HOMER1: variants seen among roughly 807,000 people sequenced by gnomAD.
The protein encoded by HOMER1 is homer scaffold protein 1, also known as homer protein homolog 1.
In HOMER1, 3 loss-of-function variants were observed where a neutral mutation model predicts 48.9. The observed-to-expected ratio is 0.06, with a 90% CI of 0.03 to 0.16. The LOEUF (loss-of-function observed/expected upper bound fraction) is 0.16. HOMER1 is among the 10% of genes least tolerant of loss of function. HOMER1 has a pLI of 1.00. For synonymous variants in HOMER1, 134 were observed against 146.4 expected, an observed-to-expected ratio of 0.92 and a Z score of 0.61; for missense variants, 247 against 411.4, an observed-to-expected ratio of 0.60 and a Z score of 3.46.
intron 1 of HOMER1, among the ~76,000 whole-genome samples, chr5:79,479,939 T>A (rs538809016): frequency 2.4e-4 from 37 of 152,356 alleles, no homozygotes; most frequent in African/African-American, 8.9e-4. Context: ...GCCAACTGGG[T>A]ATCTTCGACT....
intron 1 of HOMER1, among the ~76,000 whole-genome samples, chr5:79,468,876 T>C (rs182520008): frequency 2.3e-3 from 353 of 152,312 alleles, no homozygotes; most frequent in African/African-American, 8.2e-3. Flanking sequence ...GGTATTTCAC[T>C]GTAGTTTCAA....
At chr5:79,504,673 GAAC>G (rs1233141384) in intron 1 of HOMER1, among the ~76,000 whole-genome samples, 2 of 151,974 alleles carry the variant, frequency 1.3e-5, no homozygotes, top group African/African-American at 2.4e-5. Flanking sequence ...GTCTTGTTCA[GAAC>G]AACTCTTATA....
intron 4 of HOMER1, among the ~76,000 whole-genome samples, chr5:79,444,421 T>C (rs940792315): frequency 6.6e-6 from 1 of 152,202 alleles, no homozygotes; most frequent in African/African-American, 2.4e-5. Context: ...AAATTGACAA[T>C]TAGGCTTCAA....
chr5:79,481,561 C>A (rs895060766), intron 1 of HOMER1, among the ~76,000 whole-genome samples: 4 of 152,166 alleles, frequency 2.6e-5, no homozygotes, highest in African/African-American at 9.6e-5. Flanking sequence ...AGGTGAGCTG[C>A]ACAGAAAAAG....
At chr5:79,447,939 ATC>A (rs1750928299) in intron 3 of HOMER1, among the ~76,000 whole-genome samples, 1 of 152,180 alleles carries the variant, frequency 6.6e-6, no homozygotes, top group African/African-American at 2.4e-5. Flanking sequence ...AACTTAAAAT[ATC>A]TGTTAGAGCT....
At chr5:79,487,594 T>A (rs979243718) in intron 1 of HOMER1, among the ~76,000 whole-genome samples, 7 of 151,992 alleles carry the variant, frequency 4.6e-5, no homozygotes, top group Non-Finnish European at 1.0e-4. Flanking sequence ...CAGGACAAAT[T>A]GGGTAAATAA....
chr5:79,499,467 A>AT (rs1191354909), intron 1 of HOMER1, among the ~76,000 whole-genome samples: 2 of 152,034 alleles, frequency 1.3e-5, no homozygotes, highest in African/African-American at 4.8e-5. Flanking sequence ...TTTATAATTG[A>AT]TTTTTTTCAA....
chr5:79,453,007 C>T (rs1359453470), intron 2 of HOMER1, among the ~76,000 whole-genome samples: 6 of 152,084 alleles, frequency 3.9e-5, no homozygotes, highest in Non-Finnish European at 8.8e-5. Flanking sequence ...TAATTGAGTA[C>T]CTTTTAAATG....
chr5:79,419,053 A>G (rs1315835681), intron 5 of HOMER1, among the ~76,000 whole-genome samples: 3 of 152,234 alleles, frequency 2.0e-5, no homozygotes, highest in African/African-American at 4.8e-5. Context: ...TTTGCAAAAC[A>G]TATTTCAAAA....
intron 1 of HOMER1, among the ~76,000 whole-genome samples, chr5:79,477,660 G>A (rs890611476): frequency 5.9e-5 from 9 of 152,222 alleles, no homozygotes; most frequent in African/African-American, 2.2e-4. Context: ...TTGGACAAGA[G>A]TCTAGGGAAA....
At chr5:79,394,614 G>C (rs924478714) in intron 8 of HOMER1, among the ~76,000 whole-genome samples, 1 of 152,130 alleles carries the variant, frequency 6.6e-6, no homozygotes, top group Non-Finnish European at 1.5e-5. Flanking sequence ...GTCTCATTCT[G>C]TCACCCAGGC....
intron 8 of HOMER1, among the ~76,000 whole-genome samples, chr5:79,392,959 GAGA>G (rs1477912490): frequency 1.0e-4 from 7 of 68,438 alleles, no homozygotes; most frequent in Admixed American, 4.0e-4. Context: ...GAAAGGGAGA[GAGA>G]GAGAGAGAGA....
intron 5 of HOMER1, among the ~76,000 whole-genome samples, chr5:79,403,773 C>T (rs1055106971): frequency 6.6e-6 from 1 of 152,070 alleles, no homozygotes; most frequent in Admixed American, 6.6e-5. Flanking sequence ...GAAGTGTATA[C>T]GGGCACTCTG....
chr5:79,445,477 G>A (rs1407248359), intron 4 of HOMER1, among the ~76,000 whole-genome samples: 1 of 152,180 alleles, frequency 6.6e-6, no homozygotes, highest in Non-Finnish European at 1.5e-5. Context: ...TTTACTTGGA[G>A]ATATAACTTC....
At chr5:79,450,916 C>T in intron 3 of HOMER1, 74 bp downstream of exon 3, 3 of 1,392,284 alleles carry the variant, frequency 2.2e-6, no homozygotes, top group Non-Finnish European at 3.0e-6. Context: ...TTATACTCTC[C>T]ATTTGGTATT....
At chr5:79,442,488 T>G (rs1014461025) in intron 4 of HOMER1, among the ~76,000 whole-genome samples, 2 of 152,202 alleles carry the variant, frequency 1.3e-5, no homozygotes, top group East Asian at 3.9e-4. Flanking sequence ...GTGGTTTCAG[T>G]GACCTACTGT....
chr5:79,406,183 C>G (rs962441548), intron 5 of HOMER1, among the ~76,000 whole-genome samples: 6 of 152,140 alleles, frequency 3.9e-5, no homozygotes, highest in Non-Finnish European at 5.9e-5. Context: ...GAGTAGGTTA[C>G]TAGATTCTTC....
chr5:79,379,568 T>G (rs562021396), intron 8 of HOMER1, among the ~76,000 whole-genome samples: 1 of 146,138 alleles, frequency 6.8e-6, no homozygotes, highest in Admixed American at 7.3e-5. Context: ...TTCAGCACCT[T>G]TTGTCCATAT....
intron 6 of HOMER1, 137 bp downstream of exon 6, chr5:79,401,762 C>A: frequency 1.3e-6 from 1 of 768,352 alleles, no homozygotes; most frequent in Non-Finnish European, 2.1e-6. Context: ...CAAACAAATG[C>A]ATATCATACA....
Sources: allele counts gnomAD v4.1 joint callset (sites outside exome capture counted in the v4.1 genomes callset), GRCh38; gene constraint gnomAD v4.1.1; transcripts MANE v1.5; gene names NCBI Gene and HGNC (gene_info 2026-07-23, HGNC 2026-07-21).